RUNX1: variants seen among roughly 807,000 people sequenced by gnomAD.
RUNX1 encodes the protein RUNX family transcription factor 1.
RUNX1 carries 19 observed loss-of-function variants against 42.8 expected under a neutral mutation model. The observed-to-expected ratio is 0.44, with a 90% CI of 0.31 to 0.65. RUNX1 has a LOEUF of 0.65. RUNX1 is among the 30% of genes least tolerant of loss of function. The probability of loss-of-function intolerance (pLI) is 0.07; values close to 1 mark genes in which losing one functional copy is unlikely to be tolerated. For synonymous variants in RUNX1, 271 were observed against 289.4 expected (o/e 0.94, Z 0.64); for missense variants, 528 against 672.0 (o/e 0.79, Z 2.37).
Position 34,788,402 on chromosome 21 carries a change from A to G in RUNX1, c.*3733T>C, listed in dbSNP as rs373615631. The G allele has an allele frequency of 1.5e-4, 34 of 233,402 alleles. No homozygotes were observed. Among genetic ancestry groups the G allele is most frequent in the Middle Eastern group, 1.3e-3 (1 of 782 alleles). 14.5% of individuals were successfully genotyped at this position (233,402 alleles called of 1,614,324 possible). ...ATTTCCCCTAGAACAAAAAAAGTGA[A>G]CTTAAAAAAAATTGGAACCATGCTA... is the stretch of plus-strand genomic sequence containing the variant. On this transcript the variant is annotated 3_prime_UTR_variant, in exon 9 of 9. Transcript: ENST00000675419.
chr21:34,856,838 G>T (rs1304638609), intron 6 of RUNX1, among the ~76,000 whole-genome samples: 1 of 152,336 alleles, frequency 6.6e-6, no homozygotes, highest in Non-Finnish European at 1.5e-5. Flanking sequence ...TTCATCCAGA[G>T]ATCTGGCAAC....
At chr21:34,819,338 G>C (rs567314660) in intron 7 of RUNX1, among the ~76,000 whole-genome samples, 1 of 152,222 alleles carries the variant, frequency 6.6e-6, no homozygotes, top group African/African-American at 2.4e-5. Flanking sequence ...AGAGCCACAC[G>C]CTATGGGAGG....
At chr21:34,806,720 G>T (rs1428492402) in intron 7 of RUNX1, among the ~76,000 whole-genome samples, 1 of 151,984 alleles carries the variant, frequency 6.6e-6, no homozygotes, top group Non-Finnish European at 1.5e-5. Context: ...GCCATATTCT[G>T]GGCCACAAAA....
rs74401250 is a variant in RUNX1 at position 34,991,681 on chromosome 21, C to T, written c.58+57161G>A. ...GGCTACAAAGTGGTAGATAGGGGAA[C>T]GGCTCCCACGTCTGTATGGTCTGAA... On this transcript the variant is annotated intron_variant, in intron 2 of 8. Transcript: ENST00000675419. 3.7e-3 allele frequency among the ~76,000 whole-genome samples: 561 copies of T among 152,306 alleles called. 2 individuals carry two copies. Among genetic ancestry groups the T allele is most frequent in the Middle Eastern group, 6.8e-3 (2 of 294 alleles).
At chr21:34,866,119 G>T (rs568786959) in intron 5 of RUNX1, among the ~76,000 whole-genome samples, 8 of 152,292 alleles carry the variant, frequency 5.3e-5, no homozygotes, top group Admixed American at 2.6e-4. Flanking sequence ...TTTGGGGACA[G>T]TTTCAGGGGA....
intron 2 of RUNX1, among the ~76,000 whole-genome samples, chr21:34,975,966 G>A (rs1156522082): frequency 1.3e-5 from 2 of 152,140 alleles, no homozygotes; most frequent in Non-Finnish European, 2.9e-5. Context: ...GGCCAGTTGA[G>A]TTGTGTTTTA....
Position 34,967,319 on chromosome 21 carries a change from CAAAAAAAAAAAAAAAAAAA to C in RUNX1, c.59-74375_59-74357del, listed in dbSNP as rs398036394. On this transcript the variant is annotated intron_variant, in intron 2 of 8. Coordinates refer to ENST00000675419, the MANE Select transcript of RUNX1 (RefSeq NM_001754.5). ...CAGGCGACAGTGTGAGACTCGGTCT[CAAAAAAAAAAAAAAAAAAA>C]AAAAAAAAAAAAAAGAAGAATAGCG... 2.4e-3 allele frequency among the ~76,000 whole-genome samples: 37 copies of C among 15,644 alleles called. 2 individuals are homozygous for C. The East Asian group carries it at 0.056, about 24-fold the overall frequency. 10.3% of individuals were successfully genotyped at this position (15,644 alleles called of 152,430 possible).
At position 34,887,175 on chromosome 21, in the gene RUNX1, G is replaced by A. The variant is rs2058007913; in HGVS notation, c.98-79C>T. ...TCCTACCAGACGGCGACAGGGGCGC[G>A]GATCTTCAGCAAGCAGCTCCCGGGA... On this transcript the variant is annotated intron_variant, in intron 3 of 8. Transcript: ENST00000675419. 10 of 1,431,308 alleles carry A rather than the reference G, an allele frequency of 7.0e-6. No individual in the cohort carries two copies. In the South Asian group the frequency reaches 9.0e-5, roughly 13 times the overall value. 88.7% of individuals were successfully genotyped at this position (1,431,308 alleles called of 1,614,324 possible).
At chr21:34,956,978 C>G (rs767626881) in intron 2 of RUNX1, among the ~76,000 whole-genome samples, 2 of 152,192 alleles carry the variant, frequency 1.3e-5, no homozygotes, top group Non-Finnish European at 2.9e-5. Context: ...GGCAGGGCCA[C>G]GGGTTACAGA....
intron 2 of RUNX1, among the ~76,000 whole-genome samples, chr21:34,893,464 T>G (rs1474848918): frequency 6.6e-6 from 1 of 152,214 alleles, no homozygotes; most frequent in Non-Finnish European, 1.5e-5. Flanking sequence ...TCTCACAAGT[T>G]CTAATAGATT....
At chr21:34,976,112 C>A in intron 2 of RUNX1, among the ~76,000 whole-genome samples, 2 of 142,536 alleles carry the variant, frequency 1.4e-5, no homozygotes, top group African/African-American at 2.6e-5. Context: ...GAAAAAAATA[C>A]ATCAATTGGT....
chr21:35,011,987 G>A (rs1158356648), intron 2 of RUNX1, among the ~76,000 whole-genome samples: 3 of 152,170 alleles, frequency 2.0e-5, no homozygotes, highest in East Asian at 1.9e-4. Context: ...CTGACCTAAA[G>A]AGTGGGTTAT....
chr21:34,862,618 T>A (rs2057593555), intron 5 of RUNX1, among the ~76,000 whole-genome samples: 1 of 152,190 alleles, frequency 6.6e-6, no homozygotes, highest in Non-Finnish European at 1.5e-5. Flanking sequence ...TGCAGCACTC[T>A]AGCCTCTGCC....
chr21:34,939,703 A>C (rs1229886626), intron 2 of RUNX1, among the ~76,000 whole-genome samples: 5 of 152,184 alleles, frequency 3.3e-5, no homozygotes, highest in Non-Finnish European at 5.9e-5. Context: ...GTTGAAACAT[A>C]TCTGTGAAAA....
intron 6 of RUNX1, among the ~76,000 whole-genome samples, chr21:34,852,914 A>C (rs2057442861): frequency 6.6e-6 from 1 of 152,252 alleles, no homozygotes; most frequent in Non-Finnish European, 1.5e-5. Flanking sequence ...TCCTGAGATC[A>C]CAGATCCATA....
intron 2 of RUNX1, among the ~76,000 whole-genome samples, chr21:35,007,271 G>A (rs1340212681): frequency 6.6e-6 from 1 of 152,068 alleles, no homozygotes; most frequent in Non-Finnish European, 1.5e-5. Context: ...TCTATTCTGC[G>A]GGGCAGGGCT....
Position 34,908,426 on chromosome 21 carries a change from G to T in RUNX1, c.59-15463C>A, listed in dbSNP as rs535957757. Among the ~76,000 whole-genome samples, 4 of 151,932 alleles carry T rather than the reference G, an allele frequency of 2.6e-5. No individual in the cohort carries two copies. In the South Asian group the frequency reaches 8.3e-4, roughly 32 times the overall value. ...ACTAAAAAATGTGCAAAATGTCCTC[G>T]GGGAAAAAAAGTAGTATAAAACATA... On this transcript the variant is annotated intron_variant, in intron 2 of 8. Transcript: ENST00000675419.
chr21:34,887,474 C>T, intron 3 of RUNX1: 2 of 1,245,348 alleles, frequency 1.6e-6, no homozygotes, highest in Non-Finnish European at 2.0e-6. Flanking sequence ...CATACACTTC[C>T]TAAAATATTT....
intron 2 of RUNX1, among the ~76,000 whole-genome samples, chr21:34,949,885 G>A (rs1238659403): frequency 6.6e-6 from 1 of 152,222 alleles, no homozygotes; most frequent in African/African-American, 2.4e-5. Flanking sequence ...AGATCCTTCA[G>A]GTAAACCATG....
Sources: gnomAD v4.1 joint callset for allele counts (sites outside exome capture counted in the v4.1 genomes callset) on GRCh38, gnomAD v4.1.1 for gene constraint, MANE v1.5 for transcripts, NCBI Gene and HGNC (gene_info 2026-07-23, HGNC 2026-07-21) for gene names.